CTBP1: variants seen among roughly 807,000 people sequenced by gnomAD.
CTBP1 encodes C-terminal binding protein 1, also known as C-terminal-binding protein 1.
Under a neutral mutation model 42.1 loss-of-function variants are expected in CTBP1, and 11 were observed. The observed-to-expected ratio is 0.26, with a 90% CI of 0.16 to 0.43. The LOEUF (loss-of-function observed/expected upper bound fraction) is 0.43, where lower values mean the gene tolerates loss of function less well. Among genes scored for constraint, CTBP1 ranks in the 20% least tolerant of loss-of-function variants. CTBP1 has a pLI of 1.00. For synonymous variants in CTBP1, 324 were observed against 277.1 expected (o/e 1.17, Z -1.68); for missense variants, 399 against 624.3 (o/e 0.64, Z 3.85).
At chr4:1,243,065 T>C (rs1198635856) in intron 1 of CTBP1, 12 of 985,306 alleles carry the variant, frequency 1.2e-5, no homozygotes, top group Admixed American at 6.1e-5. Flanking sequence ...CTGATACTCA[T>C]TGATACCAGT....
chr4:1,214,240 G>A (rs1046224573), intron 7 of CTBP1, 103 bp downstream of exon 7: 1 of 1,364,562 alleles, frequency 7.3e-7, no homozygotes, highest in Non-Finnish European at 9.6e-7. Flanking sequence ...AGAGGCCTGA[G>A]TACAGGCAAG....
intron 3 of CTBP1, among the ~76,000 whole-genome samples, chr4:1,229,121 C>T (rs1465166555): frequency 5.3e-5 from 8 of 152,328 alleles, no homozygotes; most frequent in South Asian, 2.1e-4. Flanking sequence ...GCTGTGGTCA[C>T]GGCCAACCCC....
chr4:1,215,925 C>T lies in CTBP1; in HGVS notation c.729+66G>A, dbSNP rs1577018171. The T allele has an allele frequency of 3.3e-6, 5 of 1,509,618 alleles. No homozygotes were observed. The South Asian group carries it at 4.9e-5, about 15-fold the overall frequency. 93.5% of individuals were successfully genotyped at this position (1,509,618 alleles called of 1,614,324 possible). On this transcript the variant is annotated intron_variant, in intron 6 of 9. Coordinates refer to ENST00000382952, the MANE Select transcript of CTBP1 (RefSeq NM_001012614.2). ...GGTGCAGATGGCTGCTGGGAGGGAC[C>T]TGCCTGACACCCCCACCTGTACCTG...
chr4:1,216,344 G>C lies in CTBP1; in HGVS notation c.515-139C>G, dbSNP rs955797429. The C allele has an allele frequency of 3.5e-6, 3 of 856,014 alleles. No individual in the cohort carries two copies. In the African/African-American group the frequency reaches 5.1e-5, roughly 14 times the overall value. The allele number at this position is 856,014 out of a possible 1,614,324, so 53.0% of individuals were successfully genotyped here. A position where few individuals can be genotyped will look rare whatever the true frequency, so the allele number is the denominator to read the frequency against. ...TGACACCAGCTGTGGTCAAGCCAAG[G>C]TGCCCACGCACGCTCCACACGAGCG... On this transcript the variant is annotated intron_variant, in intron 5 of 9. Coordinates refer to ENST00000382952, the MANE Select transcript of CTBP1 (RefSeq NM_001012614.2).
chr4:1,245,341 C>T, intron 1 of CTBP1: 1 of 985,460 alleles, frequency 1.0e-6, no homozygotes, highest in Non-Finnish European at 1.2e-6. Flanking sequence ...CGAGCACATG[C>T]ACACAACCTG....
At chr4:1,248,883 C>G (rs1444799720) in intron 1 of CTBP1, 33 bp downstream of exon 1, 1 of 970,718 alleles carries the variant, frequency 1.0e-6, no homozygotes, top group Non-Finnish European at 1.2e-6. Flanking sequence ...CGCCCCCGCC[C>G]GCGGCCGGAA....
intron 1 of CTBP1, among the ~76,000 whole-genome samples, chr4:1,246,001 AG>A (rs558447153): frequency 3.3e-5 from 5 of 152,208 alleles, no homozygotes; most frequent in Non-Finnish European, 7.4e-5. Flanking sequence ...GGCTCGGCAA[AG>A]AGCCACCAAG....
At chr4:1,220,398 C>T (rs1047251759) in intron 5 of CTBP1, among the ~76,000 whole-genome samples, 1 of 151,948 alleles carries the variant, frequency 6.6e-6, no homozygotes. Flanking sequence ...CTGATAACGA[C>T]GAAACACCGT....
chr4:1,213,374 G>A (rs1001379756), intron 8 of CTBP1, 104 bp downstream of exon 8: 4 of 1,552,252 alleles, frequency 2.6e-6, no homozygotes, highest in Non-Finnish European at 3.5e-6. Context: ...CGGGCCCTGA[G>A]CTGGCAGAAC....
At chr4:1,229,588 G>A (rs1049218910) in intron 3 of CTBP1, among the ~76,000 whole-genome samples, 2 of 152,212 alleles carry the variant, frequency 1.3e-5, no homozygotes, top group South Asian at 4.1e-4. Flanking sequence ...TTCCTGCCGA[G>A]CATGGAGCCT....
rs759785991 is a variant in CTBP1, at chr4:1,213,609, G to T, written c.861-4C>A. ...CTTCAGAGGGCCCTGGCTAAAGCTG[G>T]GAACAGCACAGGCATGGTCAGTGCA... On this transcript the variant is annotated splice_region_variant and splice_polypyrimidine_tract_variant and intron_variant, in intron 7 of 9. Transcript: ENST00000382952. 2 of 1,612,664 alleles carry T rather than the reference G, an allele frequency of 1.2e-6. No individual in the cohort carries two copies. The highest frequency in any genetic ancestry group is 1.7e-6 in the Non-Finnish European group (2 of 1,179,810).
In CTBP1 at chr4:1,243,473, C is replaced by A. The variant is rs145289147; in HGVS notation, c.-188-1954G>T. 7.3e-3 allele frequency: 7,230 copies of A among 985,388 alleles called. 34 individuals are homozygous for A. Among genetic ancestry groups the A allele is most frequent in the Non-Finnish European group, 8.3e-3 (6,917 of 829,906 alleles). The allele number at this position is 985,388 out of a possible 1,614,324, so 61.0% of individuals were successfully genotyped here. ...AGGCTGCTCCAGTTCAGGACAGACACCTGAGGCCCAGCACCTGGTTCTCCT... is the reference window on the plus strand; with the variant it reads ...AGGCTGCTCCAGTTCAGGACAGACAACTGAGGCCCAGCACCTGGTTCTCCT... On this transcript the variant is annotated intron_variant, in intron 1 of 9. Coordinates refer to ENST00000382952, the MANE Select transcript of CTBP1 (RefSeq NM_001012614.2).
At chr4:1,221,759 CTG>C (rs762705270) in intron 5 of CTBP1, 1 of 411,302 alleles carries the variant, frequency 2.4e-6, no homozygotes, top group South Asian at 1.7e-5. Flanking sequence ...CCCGAGGGAG[CTG>C]TCTGTGTGCA....
At position 1,245,644 on chromosome 4, in the gene CTBP1, C is replaced by CGGGCAGGGTGACACGGGCGGCA. The variant is rs1427006526; in HGVS notation, c.-189+3250_-189+3271dup. 149 of 977,318 alleles carry CGGGCAGGGTGACACGGGCGGCA rather than the reference C, an allele frequency of 1.5e-4. 1 individual carries two copies. In the East Asian group the frequency reaches 0.011, roughly 75 times the overall value. The allele number at this position is 977,318 out of a possible 1,614,324, so 60.5% of individuals were successfully genotyped here. A position where few individuals can be genotyped will look rare whatever the true frequency, so the allele number is the denominator to read the frequency against. On this transcript the variant is annotated intron_variant, in intron 1 of 9. Coordinates refer to ENST00000382952, the MANE Select transcript of CTBP1 (RefSeq NM_001012614.2). ...GGGCGGCATAGCAGAGTGGCATGGACGGGCAGGGTGACACGGGCGGCAGGG... is the reference window on the plus strand; with the variant it reads ...GGGCGGCATAGCAGAGTGGCATGGACGGGCAGGGTGACACGGGCGGCAGGGCAGGGTGACACGGGCGGCAGGG...
chr4:1,249,937 G>A (rs1733172218), upstream of CTBP1: 1 of 187,112 alleles, frequency 5.3e-6, no homozygotes, highest in African/African-American at 2.4e-5. Context: ...AGTCCCTTCA[G>A]GGAGAGGCCG....
intron 9 of CTBP1, 63 bp from the exon 10 acceptor site, chr4:1,212,486 C>T (rs1187854746): frequency 5.9e-6 from 8 of 1,347,354 alleles, no homozygotes; most frequent in Non-Finnish European, 7.7e-6. Flanking sequence ...CCCCACCTGC[C>T]CTCCTAGCAT....
chr4:1,231,053 C>T (rs533454116), intron 3 of CTBP1: 1 of 152,402 alleles, frequency 6.6e-6, no homozygotes, highest in South Asian at 2.1e-4. Context: ...AGCATTCTCA[C>T]TACAGGAATC....
rs374458962 is a variant in CTBP1 at position 1,227,618 on chromosome 4, G to C, written c.307+581C>G. ...TGAGTGCATGTGCACGGGTGCAGAT[G>C]AGTGTGCAAGATCCGTGTGCTAACT... is the stretch of plus-strand genomic sequence containing the variant. On this transcript the variant is annotated intron_variant, in intron 4 of 9. Coordinates refer to ENST00000382952, the MANE Select transcript of CTBP1 (RefSeq NM_001012614.2). Among the ~76,000 whole-genome samples, 83 of 148,512 alleles carry C rather than the reference G, an allele frequency of 5.6e-4. 1 individual carries two copies. The South Asian group carries it at 0.016, about 29-fold the overall frequency.
chr4:1,235,701 G>T lies in CTBP1; in HGVS notation c.162+2482C>A, dbSNP rs1731425572. The T allele has an allele frequency of 6.6e-6, 1 of 152,244 alleles. No individual in the cohort carries two copies. The highest frequency in any genetic ancestry group is 1.5e-5 in the Non-Finnish European group (1 of 68,096). The allele number at this position is 152,244 out of a possible 1,614,324, so 9.4% of individuals were successfully genotyped here. On this transcript the variant is annotated intron_variant, in intron 3 of 9. Coordinates refer to ENST00000382952, the MANE Select transcript of CTBP1 (RefSeq NM_001012614.2). The surrounding 1 kb of genome is among the most constrained non-coding windows in gnomAD (Gnocchi z 4.2). Reference sequence around the variant, plus strand: ...GGGTGATCGGCTCGTGGGCAGCACGGGGAGCTCCTGCGGGTGGCACTGCTT... The same window carrying T: ...GGGTGATCGGCTCGTGGGCAGCACGTGGAGCTCCTGCGGGTGGCACTGCTT...
Sources: allele counts gnomAD v4.1 joint callset (sites outside exome capture counted in the v4.1 genomes callset), GRCh38; gene constraint gnomAD v4.1.1; non-coding constraint Gnocchi (gnomAD v3.1); transcripts MANE v1.5; gene names NCBI Gene and HGNC (gene_info 2026-07-23, HGNC 2026-07-21).